The following P3H2 variants were observed in gnomAD, a reference collection of about 807,000 sequenced individuals.
P3H2 encodes prolyl 3-hydroxylase 2, also known as leprecan-like 1.
P3H2 carries 80 observed loss-of-function variants against 87.0 expected under a neutral mutation model. The ratio of observed to expected loss-of-function variants is 0.92; its 90% CI spans 0.77 to 1.11. The LOEUF (loss-of-function observed/expected upper bound fraction) is 1.11, where lower values mean the gene tolerates loss of function less well. Ranked by LOEUF, P3H2 falls within the 50% of genes least tolerant of loss-of-function variation. The pLI is 0.00. For synonymous variants in P3H2, 367 were observed against 359.3 expected, an observed-to-expected ratio of 1.02 and a Z score of -0.24; for missense variants, 1,001 against 923.9, an observed-to-expected ratio of 1.08 and a Z score of -1.08.
Position 190,098,753 on chromosome 3 carries a change from T to A in P3H2, c.480+21499A>T, listed in dbSNP as rs141708966. On this transcript the variant is annotated intron_variant, in intron 1 of 14. Transcript: ENST00000319332. Reference sequence around the variant, plus strand: ...TTTATTACACGGACCACCAACAGTTTCAGACTTAACAATGATTTGATTTAG... The same window carrying A: ...TTTATTACACGGACCACCAACAGTTACAGACTTAACAATGATTTGATTTAG... Among the ~76,000 whole-genome samples the A allele has an allele frequency of 2.6e-3, 391 of 152,332 alleles. 3 individuals carry two copies. The highest frequency in any genetic ancestry group is 9.0e-3 in the African/African-American group (373 of 41,578).
chr3:190,110,280 TTAC>T (rs1333875613), intron 1 of P3H2, among the ~76,000 whole-genome samples: 1 of 152,160 alleles, frequency 6.6e-6, no homozygotes, highest in Non-Finnish European at 1.5e-5. Context: ...GTGGACTGTG[TTAC>T]TACTGATATA....
chr3:190,020,582 A>G (rs1468127729), intron 1 of P3H2, among the ~76,000 whole-genome samples: 1 of 133,856 alleles, frequency 7.5e-6, no homozygotes, highest in Non-Finnish European at 1.7e-5. Context: ...TAAAAGTCAG[A>G]GCTTTCCCCT....
upstream of P3H2, among the ~76,000 whole-genome samples, chr3:190,122,000 G>A (rs1388078628): frequency 6.0e-5 from 9 of 149,210 alleles, no homozygotes; most frequent in Admixed American, 5.4e-4. Context: ...GCTGAGGCAG[G>A]ATAATTGCTT....
chr3:190,055,130 T>C (rs1726109416), intron 1 of P3H2, among the ~76,000 whole-genome samples: 1 of 152,134 alleles, frequency 6.6e-6, no homozygotes, highest in Non-Finnish European at 1.5e-5. Flanking sequence ...AAGTGTAACA[T>C]GGGCATCAGA....
At chr3:189,967,663 A>G (rs1723044337) in intron 13 of P3H2, among the ~76,000 whole-genome samples, 1 of 151,974 alleles carries the variant, frequency 6.6e-6, no homozygotes, top group Non-Finnish European at 1.5e-5. Context: ...TTAATTTATC[A>G]GATTACGGAG....
chr3:190,070,300 A>G (rs1726657639), intron 1 of P3H2, among the ~76,000 whole-genome samples: 1 of 152,160 alleles, frequency 6.6e-6, no homozygotes, highest in Non-Finnish European at 1.5e-5. Flanking sequence ...ATTGGTGGTA[A>G]GAGGATAGGA....
At position 189,984,594 on chromosome 3, in the gene P3H2, T is replaced by C. The variant is rs1483121607; in HGVS notation, c.1189-4A>G. Reference sequence around the variant, plus strand: ...CTCCATATCTGATCCAATAATTCTGTTTTGAATCGAGTAAAAAAAAAAATG... The same window carrying C: ...CTCCATATCTGATCCAATAATTCTGCTTTGAATCGAGTAAAAAAAAAAATG... On this transcript the variant is annotated splice_region_variant and splice_polypyrimidine_tract_variant and intron_variant, in intron 6 of 14. Coordinates refer to ENST00000319332, the MANE Select transcript of P3H2 (RefSeq NM_018192.4). The C allele has an allele frequency of 1.3e-6, 2 of 1,550,472 alleles. No individual in the cohort carries two copies. The highest frequency in any genetic ancestry group is 1.7e-6 in the Non-Finnish European group (2 of 1,152,162).
chr3:190,106,836 T>C (rs1188607949), intron 1 of P3H2, among the ~76,000 whole-genome samples: 1 of 152,220 alleles, frequency 6.6e-6, no homozygotes, highest in Admixed American at 6.5e-5. Flanking sequence ...TCAGTATCCC[T>C]ATTGAAAAAT....
chr3:190,045,575 C>T (rs902308009), intron 1 of P3H2, among the ~76,000 whole-genome samples: 7 of 152,070 alleles, frequency 4.6e-5, no homozygotes, highest in African/African-American at 1.7e-4. Context: ...TGTGATGTGT[C>T]AACTTAACTA....
In P3H2 at chr3:189,957,778, C is replaced by T. The variant is rs145678898; in HGVS notation, c.*134G>A. On this transcript the variant is annotated 3_prime_UTR_variant, in exon 15 of 15. Coordinates refer to ENST00000319332, the MANE Select transcript of P3H2 (RefSeq NM_018192.4). The stretch of plus-strand genomic sequence containing the variant: ...TGATAGATTGAGGCAACACAAGCAT[C>T]CTTAGGAAGAGAAGGAAGATCTGAT... 0.015 allele frequency: 10,035 copies of T among 687,132 alleles called. 115 individuals are homozygous for T. The highest frequency in any genetic ancestry group is 0.046 in the Middle Eastern group (117 of 2,526). The allele number at this position is 687,132 out of a possible 1,614,324, so 42.6% of individuals were successfully genotyped here.
intron 1 of P3H2, among the ~76,000 whole-genome samples, chr3:190,043,149 C>CTG (rs3062150): frequency 9.3e-5 from 14 of 150,758 alleles, no homozygotes; most frequent in East Asian, 1.9e-4. Flanking sequence ...ATAGAAGCGT[C>CTG]TGTGTGTGTG....
At chr3:190,112,148 A>C (rs1393998008) in intron 1 of P3H2, among the ~76,000 whole-genome samples, 2 of 151,612 alleles carry the variant, frequency 1.3e-5, no homozygotes, top group Non-Finnish European at 2.9e-5. Flanking sequence ...TGGATCTTAC[A>C]ACTAGTGGTC....
intron 1 of P3H2, among the ~76,000 whole-genome samples, chr3:190,117,762 G>A (rs1159131892): frequency 6.7e-6 from 1 of 148,982 alleles, no homozygotes; most frequent in Admixed American, 6.7e-5. Flanking sequence ...GGGGAGGGGG[G>A]TGAAGGGGAG....
chr3:189,967,529 T>C (rs998315934), intron 13 of P3H2, among the ~76,000 whole-genome samples: 5 of 150,218 alleles, frequency 3.3e-5, no homozygotes, highest in Admixed American at 6.7e-5. Context: ...AATGCCAGTA[T>C]TTTTGTACCT....
At chr3:190,118,481 T>C (rs2378561) in intron 1 of P3H2, among the ~76,000 whole-genome samples, 6,690 of 151,764 alleles carry the variant, frequency 0.044, 336 homozygotes, top group African/African-American at 0.12. Context: ...CCACCAGAAA[T>C]TGTGTAAATC....
At chr3:190,049,307 G>A (rs1041782216) in intron 1 of P3H2, among the ~76,000 whole-genome samples, 4 of 151,862 alleles carry the variant, frequency 2.6e-5, no homozygotes, top group African/African-American at 4.8e-5. Flanking sequence ...TTCTGTGCAC[G>A]GTGCTTGCAC....
chr3:189,974,140 T>A, intron 9 of P3H2, 136 bp from the exon 10 acceptor site: 2 of 731,714 alleles, frequency 2.7e-6, no homozygotes, highest in Non-Finnish European at 4.9e-6. Context: ...AGGATGCTGG[T>A]ATAACTATTC....
At chr3:190,006,316 C>T (rs546891826) in intron 1 of P3H2, among the ~76,000 whole-genome samples, 2 of 152,264 alleles carry the variant, frequency 1.3e-5, no homozygotes, top group African/African-American at 4.8e-5. Context: ...AAGAACCTGC[C>T]TAGAATATTA....
chr3:190,038,932 G>C (rs890864123), intron 1 of P3H2, among the ~76,000 whole-genome samples: 3 of 152,184 alleles, frequency 2.0e-5, no homozygotes, highest in Non-Finnish European at 4.4e-5. Flanking sequence ...GTTCACGCTT[G>C]TAATCCCAGC....
Sources: allele counts gnomAD v4.1 joint callset (sites outside exome capture counted in the v4.1 genomes callset), GRCh38; gene constraint gnomAD v4.1.1; transcripts MANE v1.5; gene names NCBI Gene and HGNC (gene_info 2026-07-23, HGNC 2026-07-21).